Variants in SH3D19 observed in about 807,000 individuals in gnomAD.
SH3D19 encodes SH3 domain containing 19.
SH3D19 carries 58 observed loss-of-function variants against 112.1 expected under a neutral mutation model. The observed-to-expected ratio is 0.52, with a 90% CI of 0.42 to 0.64. SH3D19 has a LOEUF of 0.64. SH3D19 is among the 30% of genes least tolerant of loss of function. The pLI, the probability that SH3D19 is intolerant of heterozygous loss-of-function variation, is 0.00. For missense variants in SH3D19, 1,090 were observed against 1,263.4 expected (o/e 0.86, Z 2.08); for synonymous variants, 391 against 448.5 (o/e 0.87, Z 1.62).
intron 1 of SH3D19, among the ~76,000 whole-genome samples, chr4:151,289,534 A>G (rs567228530): frequency 1.1e-4 from 16 of 152,362 alleles, no homozygotes; most frequent in Admixed American, 2.6e-4. Context: ...TAAAAAGAGC[A>G]CAGTTTTTAA....
At chr4:151,301,827 T>TA (rs2126331289) in intron 1 of SH3D19, among the ~76,000 whole-genome samples, 1 of 152,322 alleles carries the variant, frequency 6.6e-6, no homozygotes, top group South Asian at 2.1e-4. Flanking sequence ...ATTACATTCT[T>TA]ACATTGAGCA....
rs550368171 is a variant in SH3D19 at position 151,268,317 on chromosome 4, C to T, written c.113-42231G>A. On this transcript the variant is annotated intron_variant, in intron 1 of 19. Coordinates refer to ENST00000604030, the MANE Select transcript of SH3D19 (RefSeq NM_001378122.1). ...GGGCACTTACTGTGAATGGAGCTTGCGGGAATAGAAGTTGCTCTGGATGAG... is the reference window on the plus strand; with the variant it reads ...GGGCACTTACTGTGAATGGAGCTTGTGGGAATAGAAGTTGCTCTGGATGAG... 1.2e-4 allele frequency among the ~76,000 whole-genome samples: 18 copies of T among 152,140 alleles called. No individual in the cohort carries two copies. In the East Asian group the frequency reaches 2.5e-3, roughly 21 times the overall value.
At position 151,132,696 on chromosome 4, in the gene SH3D19, T is replaced by C. The variant is rs116038005; in HGVS notation, c.2690-313A>G. 6.3e-3 allele frequency among the ~76,000 whole-genome samples: 952 copies of C among 152,294 alleles called. 7 individuals are homozygous for C. The highest frequency in any genetic ancestry group is 0.022 in the African/African-American group (924 of 41,548). On this transcript the variant is annotated intron_variant, in intron 16 of 19. Transcript: ENST00000604030. ...TGTTGCCCAGGCTGGAGTGCAGTGG[T>C]ACAATCATAGCTCACTGCAGCCTTG...
intron 2 of SH3D19, among the ~76,000 whole-genome samples, chr4:151,217,828 G>A (rs936928703): frequency 6.6e-6 from 1 of 152,048 alleles, no homozygotes; most frequent in African/African-American, 2.4e-5. Flanking sequence ...ATTTTATGCA[G>A]TAGTTAAAAA....
chr4:151,139,891 T>G, intron 12 of SH3D19, 44 bp from the exon 13 acceptor site: 1 of 1,593,330 alleles, frequency 6.3e-7, no homozygotes, highest in Non-Finnish European at 8.6e-7. Flanking sequence ...GCAGGATAGA[T>G]GGTGGATTTA....
At chr4:151,198,165 C>A (rs1180516106) in intron 2 of SH3D19, among the ~76,000 whole-genome samples, 1 of 150,906 alleles carries the variant, frequency 6.6e-6, no homozygotes, top group Non-Finnish European at 1.5e-5. Flanking sequence ...ATAAGCCAGG[C>A]GTGGTGGCAC....
chr4:151,266,506 A>G (rs761605442), intron 1 of SH3D19, among the ~76,000 whole-genome samples: 1 of 152,230 alleles, frequency 6.6e-6, no homozygotes, highest in African/African-American at 2.4e-5. Context: ...ACTCATATGA[A>G]GAAGAGGTGC....
In SH3D19 at chr4:151,293,329, C is replaced by T. The variant is rs979844251; in HGVS notation, c.112+31912G>A. On this transcript the variant is annotated intron_variant, in intron 1 of 19. Transcript: ENST00000604030. ...ACTAAAAATACAAAAAAAAATTAGC[C>T]GGGCATGGTGGCGGGCACCTGTAGT... 9.2e-5 allele frequency among the ~76,000 whole-genome samples: 14 copies of T among 151,704 alleles called. No individual in the cohort carries two copies. In the South Asian group the frequency reaches 1.7e-3, roughly 18 times the overall value.
rs577734014 is a variant in SH3D19, at chr4:151,222,956, C to T, written c.152+3091G>A. 2.4e-4 allele frequency among the ~76,000 whole-genome samples: 37 copies of T among 151,092 alleles called. No homozygotes were observed. The South Asian group carries it at 4.8e-3, about 20-fold the overall frequency. On this transcript the variant is annotated intron_variant, in intron 2 of 19. Transcript: ENST00000604030. ...TGCTGGGATTACAGGTGTGAGCCAA[C>T]GCGCCCGGCCTCTTTGGTCTCTTGT...
At chr4:151,145,716 C>A (rs1753811411) in intron 11 of SH3D19, among the ~76,000 whole-genome samples, 1 of 152,176 alleles carries the variant, frequency 6.6e-6, no homozygotes, top group Admixed American at 6.5e-5. Flanking sequence ...GGGCTCTTAA[C>A]AGAATGGCCA....
At chr4:151,276,847 A>G (rs554244614) in intron 1 of SH3D19, among the ~76,000 whole-genome samples, 42 of 152,212 alleles carry the variant, frequency 2.8e-4, no homozygotes, top group African/African-American at 9.1e-4. Flanking sequence ...TCCACCTTCT[A>G]TCTCCTTGCT....
rs542133527 is a variant in SH3D19 at position 151,139,658 on chromosome 4, G to A, written c.2296+117C>T. 2,625 of 824,190 alleles carry A rather than the reference G, an allele frequency of 3.2e-3. 14 individuals carry two copies. The highest frequency in any genetic ancestry group is 4.5e-3 in the Non-Finnish European group (2,302 of 515,148). The allele number at this position is 824,190 out of a possible 1,614,324, so 51.1% of individuals were successfully genotyped here. A position where few individuals can be genotyped will look rare whatever the true frequency, so the allele number is the denominator to read the frequency against. ...TGGATAAGATGACCTCTCCAGTCTC[G>A]GACTCTATAGGCACAGAAAAATGAA... is the stretch of plus-strand genomic sequence containing the variant. On this transcript the variant is annotated intron_variant, in intron 13 of 19. Coordinates refer to ENST00000604030, the MANE Select transcript of SH3D19 (RefSeq NM_001378122.1).
chr4:151,213,340 G>A (rs1026534087), intron 2 of SH3D19, among the ~76,000 whole-genome samples: 1 of 152,172 alleles, frequency 6.6e-6, no homozygotes, highest in Admixed American at 6.5e-5. Context: ...AAACTTCATG[G>A]CTGTCTTATT....
At chr4:151,159,614 T>C (rs1756784084) in intron 8 of SH3D19, among the ~76,000 whole-genome samples, 1 of 152,224 alleles carries the variant, frequency 6.6e-6, no homozygotes, top group African/African-American at 2.4e-5. Context: ...GAACCTTTTA[T>C]GTGCCAGGAA....
Position 151,271,099 on chromosome 4 carries a change from T to C in SH3D19, c.113-45013A>G, listed in dbSNP as rs566293542. Among the ~76,000 whole-genome samples, 5 of 152,210 alleles carry C rather than the reference T, an allele frequency of 3.3e-5. No individual in the cohort carries two copies. The South Asian group carries it at 1.0e-3, about 32-fold the overall frequency. On this transcript the variant is annotated intron_variant, in intron 1 of 19. Coordinates refer to ENST00000604030, the MANE Select transcript of SH3D19 (RefSeq NM_001378122.1). ...ACACCCCGCCTGGCTAATTTTTTAA[T>C]TTTTCTGTAGAGATGGGGGTCTCAT... is the stretch of plus-strand genomic sequence containing the variant.
In SH3D19 at chr4:151,174,677, C is replaced by T. The variant is rs1368403839; in HGVS notation, c.1527G>A (p.Met509Ile). 1 of 1,510,454 alleles carries T rather than the reference C, an allele frequency of 6.6e-7. No individual in the cohort carries two copies. The highest frequency in any genetic ancestry group is 1.4e-5 in the African/African-American group (1 of 71,564). The allele number at this position is 1,510,454 out of a possible 1,614,324, so 93.6% of individuals were successfully genotyped here. The stretch of plus-strand genomic sequence containing the variant: ...TGCTGATTTTTCACTCACCTAGAAC[C>T]ATCTCTGAACCAACAGATTCTTCAG... Reference protein sequence around the residue: ...NLAEESVGSEMVLDPFQLPAK... With the variant: ...NLAEESVGSEIVLDPFQLPAK... Residue 509 changes from methionine to isoleucine, a missense_variant, in exon 7 of 20, where the codon ATG becomes ATA. Coordinates refer to ENST00000604030, the MANE Select transcript of SH3D19 (RefSeq NM_001378122.1).
At chr4:151,222,297 A>C (rs922703274) in intron 2 of SH3D19, among the ~76,000 whole-genome samples, 18 of 152,244 alleles carry the variant, frequency 1.2e-4, no homozygotes, top group Non-Finnish European at 2.2e-4. Context: ...AGCTGAAGAA[A>C]CAGTATAAGT....
At chr4:151,208,312 C>A (rs904379897) in intron 2 of SH3D19, among the ~76,000 whole-genome samples, 1 of 152,216 alleles carries the variant, frequency 6.6e-6, no homozygotes, top group Non-Finnish European at 1.5e-5. Flanking sequence ...TTACGAAATT[C>A]TGACTTGCCT....
intron 1 of SH3D19, among the ~76,000 whole-genome samples, chr4:151,256,674 T>C (rs1771944880): frequency 1.4e-5 from 2 of 148,120 alleles, no homozygotes; most frequent in East Asian, 2.0e-4. Context: ...ATAAGGTGTA[T>C]GGTACACTTT....
Sources: gnomAD v4.1 joint callset for allele counts (sites outside exome capture counted in the v4.1 genomes callset) on GRCh38, gnomAD v4.1.1 for gene constraint, MANE v1.5 for transcripts, NCBI Gene and HGNC (gene_info 2026-07-23, HGNC 2026-07-21) for gene names.